The following SOX5 variants were observed in gnomAD, a reference collection of about 807,000 sequenced individuals.
The protein encoded by SOX5 is SRY-box transcription factor 5.
In SOX5, 9 loss-of-function variants were observed where a neutral mutation model predicts 92.0. That is an observed-to-expected ratio of 0.10 (90% CI 0.06 to 0.17). The LOEUF (loss-of-function observed/expected upper bound fraction) is 0.17. Ranked by LOEUF, SOX5 falls within the 10% of genes least tolerant of loss-of-function variation. The pLI is 1.00. For missense variants in SOX5, 642 were observed against 944.5 expected (o/e 0.68, Z 4.20); for synonymous variants, 344 against 336.3 (o/e 1.02, Z -0.25).
rs976356468 is a variant in SOX5 at position 23,773,719 on chromosome 12, G to GA, written c.482-17996dup. Among the ~76,000 whole-genome samples, 896 of 144,740 alleles carry GA rather than the reference G, an allele frequency of 6.2e-3. 8 individuals are homozygous for GA. Among genetic ancestry groups the GA allele is most frequent in the African/African-American group, 0.02 (788 of 39,604 alleles). 95.0% of individuals were successfully genotyped at this position (144,740 alleles called of 152,430 possible). The stretch of plus-strand genomic sequence containing the variant: ...AAACTTGTCGCTGATTTCTAAAAAG[G>GA]AAAAAAAAAAATTGAGTTTTACATA... On this transcript the variant is annotated intron_variant, in intron 3 of 14. Transcript: ENST00000451604.
chr12:24,493,796 G>A (rs1015569974), intron 1 of SOX5, among the ~76,000 whole-genome samples: 14 of 151,930 alleles, frequency 9.2e-5, no homozygotes, highest in African/African-American at 2.2e-4. Context: ...CCCAGGAGGC[G>A]GAGCTTGCCC....
chr12:24,028,791 C>T (rs922142760), intron 4 of SOX5, among the ~76,000 whole-genome samples: 8 of 151,804 alleles, frequency 5.3e-5, no homozygotes, highest in Admixed American at 2.0e-4. Context: ...TTTATAAGTC[C>T]CTTTGGATGA....
intron 4 of SOX5, among the ~76,000 whole-genome samples, chr12:24,109,972 G>T (rs1414516836): frequency 6.6e-6 from 1 of 152,078 alleles, no homozygotes; most frequent in Non-Finnish European, 1.5e-5. Context: ...AATTTTTTCT[G>T]ATGACACATT....
intron 9 of SOX5, among the ~76,000 whole-genome samples, chr12:23,584,058 C>G (rs1950390016): frequency 6.6e-6 from 1 of 152,064 alleles, no homozygotes; most frequent in African/African-American, 2.4e-5. Context: ...CCACCTGAAC[C>G]TAAATGTACA....
intron 2 of SOX5, among the ~76,000 whole-genome samples, chr12:23,874,500 AG>A (rs1436638833): frequency 6.6e-6 from 1 of 152,314 alleles, no homozygotes; most frequent in East Asian, 1.9e-4. Context: ...ATGAAAGGAA[AG>A]GGGAGAGAAA....
At position 23,978,511 on chromosome 12, in the gene SOX5, G is replaced by A. The variant is rs145912779; in HGVS notation, c.-1-82487C>T. On this transcript the variant is annotated intron_variant, in intron 4 of 4. Transcript: ENST00000446891. ...CTATCACTGGTTTGTGCTATATATCGTTTTCTAAGCTGTTCAATGCACCTT... is the reference window on the plus strand; with the variant it reads ...CTATCACTGGTTTGTGCTATATATCATTTTCTAAGCTGTTCAATGCACCTT... Among the ~76,000 whole-genome samples the A allele has an allele frequency of 3.5e-3, 539 of 152,196 alleles. 6 individuals are homozygous for A. Among genetic ancestry groups the A allele is most frequent in the African/African-American group, 0.012 (505 of 41,530 alleles).
chr12:24,399,669 A>G (rs1375117561), intron 1 of SOX5, among the ~76,000 whole-genome samples: 2 of 152,216 alleles, frequency 1.3e-5, no homozygotes, highest in Non-Finnish European at 2.9e-5. Flanking sequence ...GGTTATTTTG[A>G]ATTGCCAGTA....
chr12:23,941,723 T>G (rs146569857), intron 1 of SOX5, among the ~76,000 whole-genome samples: 1 of 151,576 alleles, frequency 6.6e-6, no homozygotes, highest in East Asian at 1.9e-4. Context: ...AAGATCAAAG[T>G]TGAATTAGTG....
intron 3 of SOX5, among the ~76,000 whole-genome samples, chr12:23,799,576 A>G (rs1197150518): frequency 6.6e-6 from 1 of 152,104 alleles, no homozygotes; most frequent in Non-Finnish European, 1.5e-5. Context: ...AAAACATTCT[A>G]CATAGGGAGG....
At chr12:24,511,120 T>A (rs1949266020) in intron 1 of SOX5, among the ~76,000 whole-genome samples, 1 of 152,198 alleles carries the variant, frequency 6.6e-6, no homozygotes, top group Non-Finnish European at 1.5e-5. Context: ...TTACTATAAC[T>A]ACTTTGTCAC....
In SOX5 at chr12:24,076,699, C is replaced by CTTTTTTTT. The variant is rs11302877; in HGVS notation, c.-2+136636_-2+136643dup. Reference sequence around the variant, plus strand: ...AATACTAAAAAAGATCCAAAGCTGCCTTTTTTTTTTTTTTTTTTTTTGTAA... The same window carrying CTTTTTTTT: ...AATACTAAAAAAGATCCAAAGCTGCCTTTTTTTTTTTTTTTTTTTTTTTTTTTTTGTAA... On this transcript the variant is annotated intron_variant, in intron 4 of 4. Coordinates refer to the SOX5 transcript ENST00000446891. Among the ~76,000 whole-genome samples, 6 of 102,864 alleles carry CTTTTTTTT rather than the reference C, an allele frequency of 5.8e-5. 1 individual carries two copies. Among genetic ancestry groups the CTTTTTTTT allele is most frequent in the Non-Finnish European group, 9.5e-5 (5 of 52,406 alleles). 67.5% of individuals were successfully genotyped at this position (102,864 alleles called of 152,430 possible). A position where few individuals can be genotyped will look rare whatever the true frequency, so the allele number is the denominator to read the frequency against.
intron 1 of SOX5, among the ~76,000 whole-genome samples, chr12:23,907,626 G>A (rs1256328450): frequency 6.6e-6 from 1 of 151,748 alleles, no homozygotes; most frequent in Non-Finnish European, 1.5e-5. Context: ...GATCACAAAT[G>A]CGTATATATG....
In SOX5 at chr12:23,646,913, C is replaced by A. The variant is rs1400449411; in HGVS notation, c.932-6016G>T. Among the ~76,000 whole-genome samples, 4 of 152,294 alleles carry A rather than the reference C, an allele frequency of 2.6e-5. No homozygotes were observed. The East Asian group carries it at 7.7e-4, about 29-fold the overall frequency. ...CATCCAAGGGGGGTAAAATCAAATT[C>A]TTTCAAAATCCTGTTAATGTTGGTA... On this transcript the variant is annotated intron_variant, in intron 7 of 14. Coordinates refer to ENST00000451604, the MANE Select transcript of SOX5 (RefSeq NM_006940.6).
At chr12:23,751,775 C>T (rs556926020) in intron 4 of SOX5, among the ~76,000 whole-genome samples, 1 of 151,976 alleles carries the variant, frequency 6.6e-6, no homozygotes, top group Admixed American at 6.6e-5. Flanking sequence ...CTAGAATACA[C>T]AAAATTATAG....
intron 9 of SOX5, among the ~76,000 whole-genome samples, chr12:23,580,166 G>A (rs1949841047): frequency 6.6e-6 from 1 of 152,006 alleles, no homozygotes. Context: ...TCACGACTAT[G>A]AAGTAATTAC....
intron 6 of SOX5, among the ~76,000 whole-genome samples, chr12:23,669,021 T>C (rs1299190417): frequency 1.4e-5 from 2 of 143,444 alleles, no homozygotes; most frequent in Non-Finnish European, 3.0e-5. Context: ...CTTAAGATTA[T>C]TTAATCGGAA....
chr12:23,650,101 T>C (rs1019150332), intron 7 of SOX5, among the ~76,000 whole-genome samples: 1 of 152,206 alleles, frequency 6.6e-6, no homozygotes, highest in Admixed American at 6.6e-5. Context: ...CTCTCTGACA[T>C]ACACACATAC....
intron 4 of SOX5, among the ~76,000 whole-genome samples, chr12:24,060,386 A>C (rs1498878): frequency 0.35 from 53,687 of 151,918 alleles, 9,768 homozygotes; most frequent in Middle Eastern, 0.41. Context: ...AACCATGACA[A>C]CTCTCCTGCA....
rs984655517 is a variant in SOX5, at chr12:23,627,278, A to C, written c.1017+13534T>G. 3.3e-5 allele frequency among the ~76,000 whole-genome samples: 5 copies of C among 152,344 alleles called. No individual in the cohort carries two copies. The East Asian group carries it at 7.7e-4, about 24-fold the overall frequency. ...TAAGAATTGAAACATACATTTTTGT[A>C]ATCTGACATTCAGAAGAAAAGATTT... On this transcript the variant is annotated intron_variant, in intron 8 of 14. Coordinates refer to ENST00000451604, the MANE Select transcript of SOX5 (RefSeq NM_006940.6).
Sources: gnomAD v4.1 joint callset for allele counts (sites outside exome capture counted in the v4.1 genomes callset) on GRCh38, gnomAD v4.1.1 for gene constraint, MANE v1.5 for transcripts, NCBI Gene and HGNC (gene_info 2026-07-23, HGNC 2026-07-21) for gene names.